The following UNC5D variants were observed in gnomAD, a reference collection of about 807,000 sequenced individuals.
UNC5D encodes the protein netrin receptor UNC5D.
In UNC5D, 39 loss-of-function variants were observed where a neutral mutation model predicts 105.4. That is an observed-to-expected ratio of 0.37 (90% CI 0.29 to 0.48). UNC5D has a LOEUF of 0.48. Among genes scored for constraint, UNC5D ranks in the 20% least tolerant of loss-of-function variants. The pLI, the probability that UNC5D is intolerant of heterozygous loss-of-function variation, is 0.98. For missense variants in UNC5D, 991 were observed against 1,202.4 expected (o/e 0.82, Z 2.60); for synonymous variants, 452 against 450.4 (o/e 1.00, Z -0.04).
At chr8:35,307,803 C>T (rs757334058) in intron 1 of UNC5D, among the ~76,000 whole-genome samples, 4 of 151,890 alleles carry the variant, frequency 2.6e-5, no homozygotes, top group East Asian at 1.9e-4. Flanking sequence ...GGAAATGCCA[C>T]GCAGGAACTT....
intron 1 of UNC5D, among the ~76,000 whole-genome samples, chr8:35,337,983 A>G (rs1293988211): frequency 6.6e-6 from 1 of 152,260 alleles, no homozygotes; most frequent in Non-Finnish European, 1.5e-5. Flanking sequence ...CAGAATGCAA[A>G]TGATTATATT....
At chr8:35,497,230 C>T (rs1462357606) in intron 1 of UNC5D, among the ~76,000 whole-genome samples, 1 of 152,128 alleles carries the variant, frequency 6.6e-6, no homozygotes, top group Non-Finnish European at 1.5e-5. Context: ...CTGGGTCTCT[C>T]CCTGTGTCTT....
At chr8:35,335,036 A>T (rs1382278779) in intron 1 of UNC5D, among the ~76,000 whole-genome samples, 3 of 152,168 alleles carry the variant, frequency 2.0e-5, no homozygotes, top group Non-Finnish European at 4.4e-5. Flanking sequence ...TGTAAATAGA[A>T]TAATAATATA....
chr8:35,370,109 C>T (rs1456766055), intron 1 of UNC5D, among the ~76,000 whole-genome samples: 1 of 152,102 alleles, frequency 6.6e-6, no homozygotes, highest in African/African-American at 2.4e-5. Context: ...GGGGTGAAGG[C>T]TTTCTCTAAT....
At chr8:35,373,059 T>C (rs959245850) in intron 1 of UNC5D, among the ~76,000 whole-genome samples, 4 of 152,206 alleles carry the variant, frequency 2.6e-5, no homozygotes, top group African/African-American at 7.2e-5. Flanking sequence ...CTCCGTGGTC[T>C]GCCCCATTCC....
chr8:35,266,184 G>A (rs188417894), intron 1 of UNC5D, among the ~76,000 whole-genome samples: 5 of 152,174 alleles, frequency 3.3e-5, no homozygotes, highest in Admixed American at 2.0e-4. Flanking sequence ...GATGATAAAT[G>A]TTTGGGAGCT....
intron 1 of UNC5D, among the ~76,000 whole-genome samples, chr8:35,391,855 A>G (rs761115066): frequency 2.0e-5 from 3 of 152,206 alleles, no homozygotes; most frequent in Non-Finnish European, 4.4e-5. Flanking sequence ...TGAGGAAGCC[A>G]TTAATCTTGC....
intron 1 of UNC5D, among the ~76,000 whole-genome samples, chr8:35,448,152 C>A (rs1807920462): frequency 6.6e-6 from 1 of 152,118 alleles, no homozygotes; most frequent in African/African-American, 2.4e-5. Context: ...AATATATATT[C>A]TATTCATACT....
At chr8:35,749,521 TAGA>T (rs932832198) in intron 12 of UNC5D, among the ~76,000 whole-genome samples, 4 of 152,220 alleles carry the variant, frequency 2.6e-5, no homozygotes, top group Non-Finnish European at 5.9e-5. Context: ...CATGTTTCTT[TAGA>T]AGAAGAAAAT....
chr8:35,596,031 C>A (rs934714311), intron 4 of UNC5D, among the ~76,000 whole-genome samples: 1 of 152,184 alleles, frequency 6.6e-6, no homozygotes, highest in African/African-American at 2.4e-5. Flanking sequence ...CATGAAAAAG[C>A]CCATAGGAAA....
chr8:35,608,384 A>C (rs1820451173), intron 4 of UNC5D, among the ~76,000 whole-genome samples: 1 of 152,204 alleles, frequency 6.6e-6, no homozygotes, highest in African/African-American at 2.4e-5. Context: ...ATTAAGGGTT[A>C]AATAGGCTAT....
At chr8:35,267,135 T>A (rs1383128089) in intron 1 of UNC5D, among the ~76,000 whole-genome samples, 3 of 150,844 alleles carry the variant, frequency 2.0e-5, no homozygotes, top group African/African-American at 7.3e-5. Context: ...CCCAGAGATA[T>A]ATACCCACTG....
At chr8:35,248,080 A>AT (rs1563247009) in intron 1 of UNC5D, among the ~76,000 whole-genome samples, 134 of 61,152 alleles carry the variant, frequency 2.2e-3, no homozygotes, top group Admixed American at 3.9e-3. Flanking sequence ...ATATATAAAA[A>AT]ATATAATATA....
At chr8:35,649,570 T>C (rs79146170) in intron 4 of UNC5D, among the ~76,000 whole-genome samples, 48 of 152,246 alleles carry the variant, frequency 3.2e-4, no homozygotes, top group African/African-American at 1.1e-3. Flanking sequence ...ATCAACACTA[T>C]GAAGATGGAA....
At chr8:35,774,799 C>T (rs931158776) in intron 16 of UNC5D, among the ~76,000 whole-genome samples, 11 of 152,080 alleles carry the variant, frequency 7.2e-5, no homozygotes, top group East Asian at 3.9e-4. Context: ...TGGTGGTGCA[C>T]GCCTGTAATC....
intron 1 of UNC5D, among the ~76,000 whole-genome samples, chr8:35,529,300 T>C (rs1261595227): frequency 1.1e-5 from 1 of 92,000 alleles, no homozygotes; most frequent in East Asian, 3.1e-4. Flanking sequence ...ATTTATTAAA[T>C]AGGGAATCCT....
At chr8:35,378,209 A>G (rs967413255) in intron 1 of UNC5D, among the ~76,000 whole-genome samples, 1 of 152,170 alleles carries the variant, frequency 6.6e-6, no homozygotes, top group African/African-American at 2.4e-5. Flanking sequence ...TGTACACATG[A>G]TTTTTCAATA....
In UNC5D at chr8:35,237,667, C is replaced by G. The variant is rs181167691; in HGVS notation, c.103+1780C>G. ...GAAAACATGCTGTACATTCTGCAGG[C>G]TTATTTACAACAAATGTCTTGCACA... On this transcript the variant is annotated intron_variant, in intron 1 of 16. Coordinates refer to ENST00000404895, the MANE Select transcript of UNC5D (RefSeq NM_080872.4). Among the ~76,000 whole-genome samples the G allele has an allele frequency of 3.8e-3, 577 of 152,260 alleles. 3 individuals carry two copies. Among genetic ancestry groups the G allele is most frequent in the Middle Eastern group, 0.01 (3 of 294 alleles).
intron 1 of UNC5D, among the ~76,000 whole-genome samples, chr8:35,315,396 T>A (rs929452862): frequency 2.6e-5 from 4 of 152,286 alleles, no homozygotes; most frequent in South Asian, 2.1e-4. Context: ...ATTCACATGT[T>A]TGGCAATTGT....
Sources: gnomAD v4.1 joint callset for allele counts (sites outside exome capture counted in the v4.1 genomes callset) on GRCh38, gnomAD v4.1.1 for gene constraint, MANE v1.5 for transcripts, NCBI Gene and HGNC (gene_info 2026-07-23, HGNC 2026-07-21) for gene names.